The following WWC1 variants were observed in gnomAD, a reference collection of about 807,000 sequenced individuals.
WWC1 encodes the protein WW and C2 domain containing 1.
Under a neutral mutation model 138.4 loss-of-function variants are expected in WWC1, and 55 were observed. The ratio of observed to expected loss-of-function variants is 0.40; its 90% CI spans 0.32 to 0.50. The LOEUF is 0.50. Among genes scored for constraint, WWC1 ranks in the 20% least tolerant of loss-of-function variants. WWC1 has a pLI of 0.72. For missense variants in WWC1, 1,226 were observed against 1,420.4 expected (o/e 0.86, Z 2.20); for synonymous variants, 524 against 564.9 (o/e 0.93, Z 1.03).
At chr5:168,409,788 C>A (rs956250656) in intron 7 of WWC1, 134 bp from the exon 8 acceptor site, 2 of 858,750 alleles carry the variant, frequency 2.3e-6, no homozygotes, top group African/African-American at 3.3e-5. Context: ...CGATCTGCAC[C>A]GCCAGCCCAG....
Position 168,441,541 on chromosome 5 carries a change from A to G in WWC1, c.2281-141A>G, listed in dbSNP as rs116258875. The G allele has an allele frequency of 3.5e-4, 237 of 682,048 alleles. No individual in the cohort carries two copies. In the African/African-American group the frequency reaches 4.1e-3, roughly 12 times the overall value. The allele number at this position is 682,048 out of a possible 1,614,324, so 42.2% of individuals were successfully genotyped here. On this transcript the variant is annotated intron_variant, in intron 15 of 22. Coordinates refer to ENST00000265293, the MANE Select transcript of WWC1 (RefSeq NM_015238.3). ...AATGAGCTAATTGGAAATGTTAACA[A>G]CTTGGCCTCTCTTCCTGCCGGGATG...
rs912115698 is a variant in WWC1 at position 168,414,386 on chromosome 5, G to T, written c.980G>T (p.Ser327Ile). 3.1e-6 allele frequency: 5 copies of T among 1,609,876 alleles called. No individual in the cohort carries two copies. The highest frequency in any genetic ancestry group is 4.2e-6 in the Non-Finnish European group (5 of 1,178,156). ...NLKIQLAKLD[S>I]EAWPGVLDSE... The stretch of plus-strand genomic sequence containing the variant: ...AAGATCCAGCTGGCCAAGCTTGACA[G>T]TGAGGCCTGGCCTGGGGTGCTGGAC... The change falls in exon 9 of 23, where the codon AGT becomes ATT. Residue 327 changes from serine (S) to isoleucine (I), a missense_variant. Coordinates refer to ENST00000265293, the MANE Select transcript of WWC1 (RefSeq NM_015238.3).
intron 13 of WWC1, among the ~76,000 whole-genome samples, chr5:168,429,576 G>A (rs1781784151): frequency 6.6e-6 from 1 of 152,036 alleles, no homozygotes; most frequent in African/African-American, 2.4e-5. Context: ...TTTTTTAATA[G>A]GAATTAGTTG....
rs757059150 is a variant in WWC1, at chr5:168,423,928, C to T, written c.1670C>T (p.Ala557Val). The change falls in exon 11 of 23, where the codon GCT (alanine) becomes GTT (valine). Residue 557 changes from alanine (A) to valine (V), a missense_variant. By Grantham distance (64) the Ala-to-Val change is moderately conservative. Transcript: ENST00000265293. ...CCTCTCATGGCTGACCCCCTCCTGG[C>T]TGGTGATGCCTTCCTCAACTCCTTG... ...CSPLMADPLL[A>V]GDAFLNSLEF... The T allele has an allele frequency of 6.2e-7, 1 of 1,614,194 alleles. No individual in the cohort carries two copies. The highest frequency in any genetic ancestry group is 8.5e-7 in the Non-Finnish European group (1 of 1,180,042).
At chr5:168,458,346 G>C (rs1756512999) in intron 19 of WWC1, among the ~76,000 whole-genome samples, 1 of 152,164 alleles carries the variant, frequency 6.6e-6, no homozygotes, top group Non-Finnish European at 1.5e-5. Flanking sequence ...CCTCTCTGTT[G>C]CTCAGAGCCA....
chr5:168,435,598 A>T (rs971666099), intron 15 of WWC1, among the ~76,000 whole-genome samples: 1 of 151,934 alleles, frequency 6.6e-6, no homozygotes, highest in African/African-American at 2.4e-5. Flanking sequence ...TTTTGTAGAG[A>T]TGGGGTCTCA....
intron 9 of WWC1, among the ~76,000 whole-genome samples, 182 bp from the exon 10 acceptor site, chr5:168,421,826 T>G (rs1781108104): frequency 6.6e-6 from 1 of 152,044 alleles, no homozygotes; most frequent in Admixed American, 6.5e-5. Flanking sequence ...ATATATATAG[T>G]GGGTGAGTGA....
chr5:168,464,784 T>C lies in WWC1; in HGVS notation c.2972T>C (p.Leu991Pro). ...CGTCTGATCCGTACCTCGCTGGACC[T>C]GGAGTTAGACCTGCAGGCGACAAGA... ...SERLIRTSLD[L>P]ELDLQATRTW... The change falls in exon 21 of 23, where the codon CTG becomes CCG. Residue 991 changes from leucine (L) to proline (P), a missense_variant. Transcript: ENST00000265293. 1.2e-6 allele frequency: 2 copies of C among 1,614,080 alleles called. No individual in the cohort carries two copies. The highest frequency in any genetic ancestry group is 1.7e-6 in the Non-Finnish European group (2 of 1,180,026).
chr5:168,293,180 C>T (rs1769222020), intron 1 of WWC1, among the ~76,000 whole-genome samples: 1 of 152,182 alleles, frequency 6.6e-6, no homozygotes, highest in South Asian at 2.1e-4. Context: ...GGTTGTTTGG[C>T]ATTTCTTTGC....
intron 19 of WWC1, among the ~76,000 whole-genome samples, chr5:168,456,303 T>TA (rs67370902): frequency 0.1 from 15,388 of 149,016 alleles, 1,329 homozygotes; most frequent in African/African-American, 0.23. Context: ...GACCCTATCT[T>TA]AAAAAAAAAA....
intron 1 of WWC1, among the ~76,000 whole-genome samples, chr5:168,364,058 G>A (rs1776098484): frequency 6.6e-6 from 1 of 152,090 alleles, no homozygotes. Flanking sequence ...GGCTTGTCTT[G>A]TGCCAGTCCC....
At position 168,428,740 on chromosome 5, in the gene WWC1, T is replaced by G; in HGVS notation, c.1953T>G (p.Ser651Arg). The change falls in exon 13 of 23, where the codon AGT (serine) becomes AGG (arginine). Residue 651 changes from serine (S) to arginine (R), a missense_variant. This residue lies in a region of WWC1 where 1,016 missense variants were observed against 1,153.9 expected (regional missense o/e 0.88). Transcript: ENST00000265293. Reference sequence around the variant, plus strand: ...CTTCAGAAGCTGCTGCATTTGACAGTGACGAATCGGAAGCAGTGGGTGCGA... The same window carrying G: ...CTTCAGAAGCTGCTGCATTTGACAGGGACGAATCGGAAGCAGTGGGTGCGA... ...LGASEAAAFD[S>R]DESEAVGATR... 1 of 1,613,910 alleles carries G rather than the reference T, an allele frequency of 6.2e-7. No individual in the cohort carries two copies. The highest frequency in any genetic ancestry group is 8.5e-7 in the Non-Finnish European group (1 of 1,179,910).
intron 1 of WWC1, among the ~76,000 whole-genome samples, chr5:168,301,893 G>C (rs889401782): frequency 6.6e-6 from 1 of 152,100 alleles, no homozygotes; most frequent in Non-Finnish European, 1.5e-5. Context: ...TTCCTGGCGG[G>C]CCATGGCTCA....
At chr5:168,293,241 G>A (rs1769228172) in intron 1 of WWC1, among the ~76,000 whole-genome samples, 1 of 152,154 alleles carries the variant, frequency 6.6e-6, no homozygotes, top group Non-Finnish European at 1.5e-5. Context: ...GTATGTCCTA[G>A]AGTCCCCGGA....
In WWC1 at chr5:168,469,028, A is replaced by T; in HGVS notation, c.*11A>T. On this transcript the variant is annotated 3_prime_UTR_variant, in exon 23 of 23. Coordinates refer to ENST00000265293, the MANE Select transcript of WWC1 (RefSeq NM_015238.3). ...GCAGATGACGTCTAATCGCCAGAAA[A>T]GTATTTCCTTTGTTCCACTGACCAG... 1 of 1,614,206 alleles carries T rather than the reference A, an allele frequency of 6.2e-7. No individual in the cohort carries two copies. The highest frequency in any genetic ancestry group is 8.5e-7 in the Non-Finnish European group (1 of 1,180,028).
At chr5:168,394,014 TA>T in intron 3 of WWC1, among the ~76,000 whole-genome samples, 1 of 152,256 alleles carries the variant, frequency 6.6e-6, no homozygotes, top group Middle Eastern at 3.4e-3. Flanking sequence ...AGAGTAAAAA[TA>T]ATGCAAACAC....
At chr5:168,304,673 C>G (rs1645155574) in intron 1 of WWC1, among the ~76,000 whole-genome samples, 1 of 152,150 alleles carries the variant, frequency 6.6e-6, no homozygotes, top group Non-Finnish European at 1.5e-5. Flanking sequence ...GGTAACTCTG[C>G]TGCCCACTCA....
At chr5:168,357,395 A>C (rs953761199) in intron 1 of WWC1, among the ~76,000 whole-genome samples, 2 of 146,400 alleles carry the variant, frequency 1.4e-5, no homozygotes, top group African/African-American at 5.1e-5. Flanking sequence ...GCGTCTGCCA[A>C]CCTGTGGGTT....
chr5:168,420,899 A>G (rs1156256375), intron 9 of WWC1, among the ~76,000 whole-genome samples: 2 of 152,092 alleles, frequency 1.3e-5, no homozygotes, highest in African/African-American at 2.4e-5. Context: ...GGTGACCTCA[A>G]GATGATAAGG....
Sources: allele counts gnomAD v4.1 joint callset (sites outside exome capture counted in the v4.1 genomes callset), GRCh38; gene constraint gnomAD v4.1.1; regional missense constraint gnomAD v4.1.1; transcripts MANE v1.5; gene names NCBI Gene and HGNC (gene_info 2026-07-23, HGNC 2026-07-21).